GRXCR2: variants seen among roughly 807,000 people sequenced by gnomAD.
GRXCR2 encodes glutaredoxin domain-containing cysteine-rich protein 2.
In GRXCR2, 23 loss-of-function variants were observed where a neutral mutation model predicts 24.8. That is an observed-to-expected ratio of 0.93 (90% CI 0.67 to 1.32). The LOEUF (loss-of-function observed/expected upper bound fraction) is 1.32, where lower values mean the gene tolerates loss of function less well. Ranked by LOEUF, GRXCR2 falls within the 40% of genes most tolerant of loss-of-function variation. GRXCR2 has a pLI of 0.00. For missense variants in GRXCR2, 315 were observed against 303.4 expected, an observed-to-expected ratio of 1.04 and a Z score of -0.28; for synonymous variants, 130 against 116.1, an observed-to-expected ratio of 1.12 and a Z score of -0.77.
Position 145,872,807 on chromosome 5 carries a change from C to G in GRXCR2, c.162G>C (p.Leu54=), listed in dbSNP as rs1331152533. ...CATCCATTGTTTCAAGAGACTCTTG[C>G]AGAAAACTGTGAGGGTATTCCTCCT... ...SPKEEYPHSF[L]QESLETMDGV... Residue 54 remains leucine, a synonymous_variant, in exon 1 of 3, where the codon CTG becomes CTC. Transcript: ENST00000377976. The G allele has an allele frequency of 1.2e-6, 2 of 1,614,062 alleles. No homozygotes were observed. The highest frequency in any genetic ancestry group is 4.5e-5 in the East Asian group (2 of 44,894).
chr5:145,860,604 T>A (rs557975034), intron 2 of GRXCR2, among the ~76,000 whole-genome samples: 2 of 152,306 alleles, frequency 1.3e-5, no homozygotes, highest in South Asian at 2.1e-4. Context: ...AATGTTACAA[T>A]CCTTCAAAGC....
chr5:145,891,868 C>T (rs1274481737), intron 2 of GRXCR2, among the ~76,000 whole-genome samples: 1 of 152,206 alleles, frequency 6.6e-6, no homozygotes, highest in East Asian at 1.9e-4. Flanking sequence ...AGCAGCCTAA[C>T]TGGGAGACAT....
chr5:145,876,229 ACATACC>A (rs1342568972), upstream of GRXCR2, among the ~76,000 whole-genome samples: 7 of 145,348 alleles, frequency 4.8e-5, no homozygotes, highest in African/African-American at 1.8e-4. Flanking sequence ...ACACACACAC[ACATACC>A]CACACACACA....
intron 2 of GRXCR2, among the ~76,000 whole-genome samples, chr5:145,885,915 G>A (rs960590781): frequency 2.0e-5 from 3 of 152,176 alleles, no homozygotes; most frequent in Non-Finnish European, 4.4e-5. Context: ...TTCACAGTCG[G>A]GAAAACTGAA....
In GRXCR2 at chr5:145,859,660, A is replaced by G. The variant is rs1581326767; in HGVS notation, c.*73T>C. 72 of 1,395,912 alleles carry G rather than the reference A, an allele frequency of 5.2e-5. No individual in the cohort carries two copies. Among genetic ancestry groups the G allele is most frequent in the Admixed American group, 3.5e-5 (2 of 57,520 alleles). 86.5% of individuals were successfully genotyped at this position (1,395,912 alleles called of 1,614,324 possible). A position where few individuals can be genotyped will look rare whatever the true frequency, so the allele number is the denominator to read the frequency against. Reference sequence around the variant, plus strand: ...CCTCCTTGTTGGGAGAGGCAGGAGGAGGAGAAGGGGGCGGTTTATTAGAAA... The same window carrying G: ...CCTCCTTGTTGGGAGAGGCAGGAGGGGGAGAAGGGGGCGGTTTATTAGAAA... On this transcript the variant is annotated 3_prime_UTR_variant, in exon 3 of 3. Transcript: ENST00000377976.
intron 2 of GRXCR2, among the ~76,000 whole-genome samples, chr5:145,906,044 T>A (rs1757086870): frequency 6.6e-6 from 1 of 152,184 alleles, no homozygotes; most frequent in Non-Finnish European, 1.5e-5. Context: ...TTCTGGGGCA[T>A]AATAGTCACA....
intron 2 of GRXCR2, among the ~76,000 whole-genome samples, chr5:145,918,287 T>C (rs1402022833): frequency 6.6e-6 from 1 of 152,138 alleles, no homozygotes; most frequent in Non-Finnish European, 1.5e-5. Context: ...TCATTCCCAC[T>C]TTACGGAGGA....
chr5:145,875,276 G>A (rs1344334777), upstream of GRXCR2, among the ~76,000 whole-genome samples: 3 of 152,160 alleles, frequency 2.0e-5, no homozygotes, highest in African/African-American at 7.2e-5. Flanking sequence ...GTGGCTGGGC[G>A]CGGTGGCTCA....
Position 145,864,484 on chromosome 5 carries a change from A to G in GRXCR2, c.564+2017T>C, listed in dbSNP as rs572204721. ...TGTCCCTACCCAAATCTCATCTTGA[A>G]TTGTAATCTCCATGTGTCAAGGGGG... On this transcript the variant is annotated intron_variant, in intron 2 of 2. Coordinates refer to ENST00000377976, the MANE Select transcript of GRXCR2 (RefSeq NM_001080516.2). Among the ~76,000 whole-genome samples, 8 of 152,230 alleles carry G rather than the reference A, an allele frequency of 5.3e-5. No individual in the cohort carries two copies. The East Asian group carries it at 1.5e-3, about 29-fold the overall frequency.
chr5:145,923,321 G>A (rs1048971801), intron 2 of GRXCR2, among the ~76,000 whole-genome samples: 4 of 152,110 alleles, frequency 2.6e-5, no homozygotes, highest in African/African-American at 4.8e-5. Context: ...AGTATTTTAG[G>A]GGGTGATAAG....
chr5:145,893,774 C>T (rs1449076760), intron 2 of GRXCR2, among the ~76,000 whole-genome samples: 1 of 152,120 alleles, frequency 6.6e-6, no homozygotes, highest in Non-Finnish European at 1.5e-5. Context: ...AGCTCTGCAC[C>T]AAGCGGACCT....
chr5:145,918,259 G>A (rs908525526), intron 2 of GRXCR2, among the ~76,000 whole-genome samples: 1 of 152,128 alleles, frequency 6.6e-6, no homozygotes, highest in African/African-American at 2.4e-5. Flanking sequence ...TTATGATCTG[G>A]TAGTAGGGCA....
At chr5:145,891,349 G>A (rs1047970304) in intron 2 of GRXCR2, among the ~76,000 whole-genome samples, 5 of 152,212 alleles carry the variant, frequency 3.3e-5, no homozygotes, top group African/African-American at 1.2e-4. Context: ...ACCTCACCCA[G>A]GAAGTGCAAG....
At chr5:145,918,088 A>G (rs1456242936) in intron 2 of GRXCR2, among the ~76,000 whole-genome samples, 1 of 152,174 alleles carries the variant, frequency 6.6e-6, no homozygotes, top group African/African-American at 2.4e-5. Flanking sequence ...GGCTGAACTC[A>G]TTAGTCCTCA....
At chr5:145,870,732 G>A (rs527823995) in intron 1 of GRXCR2, among the ~76,000 whole-genome samples, 2 of 152,192 alleles carry the variant, frequency 1.3e-5, no homozygotes, top group South Asian at 4.2e-4. Flanking sequence ...TGATTCCAGG[G>A]TGTGCAGCTA....
At chr5:145,889,228 G>GAA (rs1561683183) in intron 2 of GRXCR2, among the ~76,000 whole-genome samples, 2 of 150,446 alleles carry the variant, frequency 1.3e-5, no homozygotes, top group African/African-American at 4.9e-5. Flanking sequence ...AAGAAAGAAA[G>GAA]AAAGAAAGAA....
chr5:145,924,818 C>T (rs1197551825), intron 2 of GRXCR2, among the ~76,000 whole-genome samples: 1 of 152,128 alleles, frequency 6.6e-6, no homozygotes, highest in African/African-American at 2.4e-5. Context: ...TAGCCAATCC[C>T]ACCCCCTCTT....
chr5:145,897,247 TTACATACATACATACA>T (rs67092971), intron 2 of GRXCR2, among the ~76,000 whole-genome samples: 61 of 145,930 alleles, frequency 4.2e-4, no homozygotes, highest in African/African-American at 1.4e-3. Flanking sequence ...CTGTTGTTTG[TTACATACATACATACA>T]TACATACATA....
In GRXCR2 at chr5:145,917,075, TTTG is replaced by T. The variant is rs1464020329; in HGVS notation, c.-70+18623_-70+18625del. On this transcript the variant is annotated intron_variant, in intron 2 of 3. Transcript: ENST00000639411. The stretch of plus-strand genomic sequence containing the variant: ...TTTCCTAAGCATCTTTTTTTTTTTT[TTTG>T]AAAAGCAGTTATTTCCAGGGTGGGA... 5.7e-4 allele frequency among the ~76,000 whole-genome samples: 87 copies of T among 151,882 alleles called. 3 individuals carry two copies. The South Asian group carries it at 0.017, about 29-fold the overall frequency.
Sources: gnomAD v4.1 joint callset for allele counts (sites outside exome capture counted in the v4.1 genomes callset) on GRCh38, gnomAD v4.1.1 for gene constraint, MANE v1.5 for transcripts, NCBI Gene and HGNC (gene_info 2026-07-23, HGNC 2026-07-21) for gene names.